KCNMA1: variants seen among roughly 807,000 people sequenced by gnomAD.
The protein encoded by KCNMA1 is Calcium-activated potassium channel subunit alpha-1.
KCNMA1 carries 29 observed loss-of-function variants against 140.0 expected under a neutral mutation model. The observed-to-expected ratio is 0.21, with a 90% CI of 0.15 to 0.28. The LOEUF (loss-of-function observed/expected upper bound fraction) is 0.28, where lower values mean the gene tolerates loss of function less well. Ranked by LOEUF, KCNMA1 falls within the 10% of genes least tolerant of loss-of-function variation. The probability of loss-of-function intolerance (pLI) is 1.00; values close to 1 mark genes in which losing one functional copy is unlikely to be tolerated. For synonymous variants in KCNMA1, 612 were observed against 611.9 expected, an observed-to-expected ratio of 1.00 and a Z score of 0.00; for missense variants, 880 against 1,602.2, an observed-to-expected ratio of 0.55 and a Z score of 7.70.
intron 3 of KCNMA1, among the ~76,000 whole-genome samples, chr10:77,249,107 G>A (rs1165874831): frequency 6.6e-6 from 1 of 152,188 alleles, no homozygotes; most frequent in Non-Finnish European, 1.5e-5. Flanking sequence ...AGGCAGAATG[G>A]GAATAGCCTT....
In KCNMA1 at chr10:77,411,941, C is replaced by T. The variant is rs539441824; in HGVS notation, c.379-7918G>A. Among the ~76,000 whole-genome samples, 198 of 152,344 alleles carry T rather than the reference C, an allele frequency of 1.3e-3. 2 individuals carry two copies. The South Asian group carries it at 0.016, about 12-fold the overall frequency. Reference sequence around the variant, plus strand: ...CTGCTAAAGGAAGATTTGGCTTCCTCCCTCGCCATGCGTATCCTTGGAGTC... The same window carrying T: ...CTGCTAAAGGAAGATTTGGCTTCCTTCCTCGCCATGCGTATCCTTGGAGTC... On this transcript the variant is annotated intron_variant, in intron 1 of 27. Coordinates refer to ENST00000286628, the MANE Select transcript of KCNMA1 (RefSeq NM_001161352.2).
At chr10:77,206,816 A>AGGGGGGG (rs202180223) in intron 3 of KCNMA1, among the ~76,000 whole-genome samples, 1 of 48,646 alleles carries the variant, frequency 2.1e-5, no homozygotes, top group African/African-American at 9.6e-5. Context: ...GCAGGGAGGG[A>AGGGGGGG]GGGGGGGGCG....
intron 23 of KCNMA1, among the ~76,000 whole-genome samples, chr10:76,937,824 G>A (rs2060944593): frequency 6.6e-6 from 1 of 152,184 alleles, no homozygotes; most frequent in Admixed American, 6.5e-5. Flanking sequence ...GGAGAAAGGA[G>A]GGTGTCCGCT....
intron 1 of KCNMA1, among the ~76,000 whole-genome samples, chr10:77,421,962 C>T (rs1304295894): frequency 6.6e-6 from 1 of 152,234 alleles, no homozygotes; most frequent in Non-Finnish European, 1.5e-5. Context: ...AAAAGGGACA[C>T]TTCTCTTTGC....
chr10:77,222,633 CA>C (rs1287750730), intron 3 of KCNMA1, among the ~76,000 whole-genome samples: 5 of 152,184 alleles, frequency 3.3e-5, no homozygotes, highest in African/African-American at 1.2e-4. Flanking sequence ...TCAATGACTT[CA>C]AAAACATCCT....
At chr10:77,339,630 G>T (rs2090317314) in intron 2 of KCNMA1, among the ~76,000 whole-genome samples, 1 of 152,232 alleles carries the variant, frequency 6.6e-6, no homozygotes, top group African/African-American at 2.4e-5. Flanking sequence ...CTAGGGGAGG[G>T]TTACTGGTGG....
intron 1 of KCNMA1, among the ~76,000 whole-genome samples, chr10:77,544,094 T>C (rs2060831241): frequency 6.6e-6 from 1 of 151,970 alleles, no homozygotes; most frequent in African/African-American, 2.4e-5. Context: ...ATGTAGAGTG[T>C]GATCCCATTA....
chr10:77,341,535 T>A (rs2090923052), intron 2 of KCNMA1, among the ~76,000 whole-genome samples: 1 of 152,124 alleles, frequency 6.6e-6, no homozygotes. Context: ...CTCTCCCAGG[T>A]CAAGAGAAAG....
intron 1 of KCNMA1, among the ~76,000 whole-genome samples, chr10:77,460,526 C>A (rs2097846584): frequency 6.7e-6 from 1 of 149,000 alleles, no homozygotes; most frequent in South Asian, 2.1e-4. Flanking sequence ...ATGTGGTACA[C>A]ACGTGCACAC....
intron 25 of KCNMA1, chr10:76,901,260 C>T (rs2152144992): frequency 6.6e-6 from 1 of 152,252 alleles, no homozygotes; most frequent in East Asian, 1.9e-4. Flanking sequence ...GTGTTGGAAA[C>T]ATAGGCCATT....
intron 1 of KCNMA1, among the ~76,000 whole-genome samples, chr10:77,583,863 C>T (rs2076506840): frequency 6.6e-6 from 1 of 152,168 alleles, no homozygotes; most frequent in South Asian, 2.1e-4. Flanking sequence ...CTGATCACTA[C>T]TCAGGAAGGA....
At chr10:77,225,506 T>C (rs1307028641) in intron 3 of KCNMA1, among the ~76,000 whole-genome samples, 1 of 152,120 alleles carries the variant, frequency 6.6e-6, no homozygotes, top group African/African-American at 2.4e-5. Context: ...CCATGTCCAG[T>C]GTCCCCAGTA....
At chr10:76,936,351 AT>A (rs1376699912) in intron 23 of KCNMA1, among the ~76,000 whole-genome samples, 4 of 152,234 alleles carry the variant, frequency 2.6e-5, no homozygotes, top group African/African-American at 9.6e-5. Context: ...ATAAAAGAAA[AT>A]TATTGGGGTA....
intron 1 of KCNMA1, chr10:77,587,838 C>G: frequency 1.0e-6 from 1 of 985,422 alleles, no homozygotes; most frequent in Non-Finnish European, 1.2e-6. Context: ...GACAGATCAT[C>G]TCACGGCCCC....
At chr10:77,212,804 T>C (rs1052937649) in intron 3 of KCNMA1, among the ~76,000 whole-genome samples, 2 of 152,264 alleles carry the variant, frequency 1.3e-5, no homozygotes, top group South Asian at 4.1e-4. Flanking sequence ...CTCTTGACTT[T>C]GACATCTTCA....
chr10:77,159,870 G>A lies in KCNMA1; in HGVS notation c.808+23551C>T, dbSNP rs76683342. Among the ~76,000 whole-genome samples the A allele has an allele frequency of 5.8e-3, 889 of 152,246 alleles. 10 individuals are homozygous for A. The highest frequency in any genetic ancestry group is 0.02 in the African/African-American group (835 of 41,534). ...CCCATGAATGAGCTCACCAGCCCTT[G>A]TCCCTTTTCTTTTGTTCATTCATTC... is the stretch of plus-strand genomic sequence containing the variant. On this transcript the variant is annotated intron_variant, in intron 5 of 27. Coordinates refer to ENST00000286628, the MANE Select transcript of KCNMA1 (RefSeq NM_001161352.2).
chr10:76,983,290 C>A (rs2080133635), intron 19 of KCNMA1, among the ~76,000 whole-genome samples: 1 of 152,178 alleles, frequency 6.6e-6, no homozygotes, highest in African/African-American at 2.4e-5. Flanking sequence ...TAAATAAGAA[C>A]ATACATTACA....
intron 2 of KCNMA1, among the ~76,000 whole-genome samples, chr10:77,317,101 T>G (rs1479557704): frequency 6.6e-6 from 1 of 152,156 alleles, no homozygotes; most frequent in Non-Finnish European, 1.5e-5. Flanking sequence ...GTACCTGTAG[T>G]GCCTTCCCAA....
chr10:77,170,223 G>A (rs1256574184), intron 5 of KCNMA1, among the ~76,000 whole-genome samples: 2 of 152,070 alleles, frequency 1.3e-5, no homozygotes, highest in Non-Finnish European at 2.9e-5. Flanking sequence ...TTAAAAAAAA[G>A]AAAAATGGAG....
Sources: allele counts gnomAD v4.1 joint callset (sites outside exome capture counted in the v4.1 genomes callset), GRCh38; gene constraint gnomAD v4.1.1; transcripts MANE v1.5; gene names NCBI Gene and HGNC (gene_info 2026-07-23, HGNC 2026-07-21).